Variants in SLC25A12 observed in about 807,000 individuals in gnomAD.
The protein encoded by SLC25A12 is electrogenic aspartate/glutamate antiporter SLC25A12, mitochondrial.
A neutral mutation model predicts 83.3 loss-of-function variants in SLC25A12; 32 were observed. The observed-to-expected ratio is 0.38, with a 90% CI of 0.29 to 0.52. The LOEUF (loss-of-function observed/expected upper bound fraction) is 0.52, where lower values mean the gene tolerates loss of function less well. SLC25A12 is among the 20% of genes least tolerant of loss of function. The pLI is 0.84. For missense variants in SLC25A12, 611 were observed against 835.6 expected (o/e 0.73, Z 3.31); for synonymous variants, 267 against 291.1 (o/e 0.92, Z 0.84).
At chr2:171,835,591 G>A (rs1337431666) in intron 6 of SLC25A12, among the ~76,000 whole-genome samples, 2 of 152,086 alleles carry the variant, frequency 1.3e-5, no homozygotes, top group Admixed American at 1.3e-4. Context: ...TCACCACTTG[G>A]ACATAAACTC....
intron 8 of SLC25A12, among the ~76,000 whole-genome samples, chr2:171,829,775 C>G (rs1684391016): frequency 6.6e-6 from 1 of 152,194 alleles, no homozygotes. Context: ...CAACTTGTTG[C>G]ACCCTGTTGG....
chr2:171,789,571 A>G (rs1683379583), intron 15 of SLC25A12, among the ~76,000 whole-genome samples: 1 of 152,196 alleles, frequency 6.6e-6, no homozygotes, highest in Non-Finnish European at 1.5e-5. Context: ...TTGGAAAAGG[A>G]GGAGAGAACC....
At chr2:171,851,492 T>TA (rs367909612) in intron 4 of SLC25A12, among the ~76,000 whole-genome samples, 151 of 126,870 alleles carry the variant, frequency 1.2e-3, no homozygotes, top group Admixed American at 2.3e-3. Context: ...CCTGGCCCCT[T>TA]AAAAAAAAAA....
At chr2:171,826,400 G>A (rs1430293051) in intron 9 of SLC25A12, among the ~76,000 whole-genome samples, 6 of 152,152 alleles carry the variant, frequency 3.9e-5, no homozygotes, top group Non-Finnish European at 7.3e-5. Flanking sequence ...CTGAGGTCAC[G>A]AGTTCAAGAC....
At chr2:171,883,157 C>G (rs1449878423) in intron 2 of SLC25A12, among the ~76,000 whole-genome samples, 1 of 152,166 alleles carries the variant, frequency 6.6e-6, no homozygotes, top group African/African-American at 2.4e-5. Context: ...CTGGAGAAGA[C>G]AAGGGACTCA....
intron 2 of SLC25A12, among the ~76,000 whole-genome samples, chr2:171,874,133 G>A (rs1189912947): frequency 2.0e-5 from 3 of 152,128 alleles, no homozygotes; most frequent in South Asian, 2.1e-4. Flanking sequence ...GGCTGAGGCA[G>A]GAGAGTCGCT....
intron 3 of SLC25A12, among the ~76,000 whole-genome samples, chr2:171,861,127 AAATAAT>A (rs531064562): frequency 6.6e-6 from 1 of 150,680 alleles, no homozygotes; most frequent in Non-Finnish European, 1.5e-5. Flanking sequence ...ATAAATAATA[AAATAAT>A]AATAATAATA....
intron 4 of SLC25A12, among the ~76,000 whole-genome samples, chr2:171,849,696 C>T (rs1432812360): frequency 6.6e-6 from 1 of 151,802 alleles, no homozygotes; most frequent in South Asian, 2.1e-4. Context: ...GCTGGGACTA[C>T]AGGCATCCGC....
Position 171,887,936 on chromosome 2 carries a change from T to C in SLC25A12, c.66+5269A>G, listed in dbSNP as rs200836421. ...TAGCTCATCAAAACTTGAGAAGCAA[T>C]GAACACCACAGGAAAAATGAACCTA... On this transcript the variant is annotated intron_variant, in intron 2 of 17. Transcript: ENST00000422440. Among the ~76,000 whole-genome samples the C allele has an allele frequency of 1.4e-4, 21 of 152,250 alleles. No homozygotes were observed. The East Asian group carries it at 4.0e-3, about 29-fold the overall frequency.
At chr2:171,806,000 TG>T (rs199997491) in intron 13 of SLC25A12, among the ~76,000 whole-genome samples, 3,612 of 151,954 alleles carry the variant, frequency 0.024, 149 homozygotes, top group African/African-American at 0.083. Context: ...TCCCAGCTAC[TG>T]GGGAGGCTGA....
At chr2:171,864,313 C>A (rs924792190) in intron 3 of SLC25A12, among the ~76,000 whole-genome samples, 1 of 152,210 alleles carries the variant, frequency 6.6e-6, no homozygotes, top group South Asian at 2.1e-4. Flanking sequence ...TTATCTAATT[C>A]ATGCAACTAT....
chr2:171,858,965 A>C (rs1390057824), intron 3 of SLC25A12, among the ~76,000 whole-genome samples: 1 of 152,230 alleles, frequency 6.6e-6, no homozygotes, highest in African/African-American at 2.4e-5. Context: ...TCATATATTC[A>C]TGCAACTTTG....
intron 3 of SLC25A12, among the ~76,000 whole-genome samples, chr2:171,867,499 G>A (rs915520736): frequency 4.0e-5 from 6 of 150,648 alleles, no homozygotes; most frequent in South Asian, 2.1e-4. Context: ...CAGGTGTGGC[G>A]GCGTGCGCCT....
At chr2:171,796,621 G>A (rs888422522) in intron 13 of SLC25A12, among the ~76,000 whole-genome samples, 5 of 152,020 alleles carry the variant, frequency 3.3e-5, no homozygotes, top group Admixed American at 2.6e-4. Context: ...CTGGGCAATG[G>A]AGCAAGACCC....
Position 171,815,140 on chromosome 2 carries a change from A to T in SLC25A12, c.993T>A (p.Thr331=). The T allele has an allele frequency of 6.2e-7, 1 of 1,613,760 alleles. No homozygotes were observed. Among genetic ancestry groups the T allele is most frequent in the Non-Finnish European group, 8.5e-7 (1 of 1,179,742 alleles). Residue 331 remains threonine, a synonymous_variant, in exon 10 of 18, where the codon ACT becomes ACA. Coordinates refer to ENST00000422440, the MANE Select transcript of SLC25A12 (RefSeq NM_003705.5). ...ACTCACCTCCAGCAACTGAGCCCAG[A>T]GTGAATCTGTAAGCAGACTCGGCAA... ...LQIAESAYRF[T]LGSVAGAVGA... is the part of the protein sequence containing the mutation.
chr2:171,787,783 G>A lies in SLC25A12; in HGVS notation c.1744+6C>T, dbSNP rs1216274078. On this transcript the variant is annotated splice_donor_region_variant and intron_variant, in intron 16 of 17. Coordinates refer to ENST00000422440, the MANE Select transcript of SLC25A12 (RefSeq NM_003705.5). ...GCCATTCTGTATGGCTCCAGCCCCTGCCTACCTGCAGTCCCTTTCCAAAAT... is the reference window on the plus strand; with the variant it reads ...GCCATTCTGTATGGCTCCAGCCCCTACCTACCTGCAGTCCCTTTCCAAAAT... 7 of 1,614,168 alleles carry A rather than the reference G, an allele frequency of 4.3e-6. No individual in the cohort carries two copies. In the South Asian group the frequency reaches 7.7e-5, roughly 18 times the overall value.
chr2:171,853,909 A>G (rs1190611411), intron 4 of SLC25A12, among the ~76,000 whole-genome samples: 1 of 152,230 alleles, frequency 6.6e-6, no homozygotes, highest in Non-Finnish European at 1.5e-5. Flanking sequence ...GGAGACACAA[A>G]GAACCATGAT....
chr2:171,884,031 CT>C (rs1223680515), intron 2 of SLC25A12, among the ~76,000 whole-genome samples: 1 of 147,354 alleles, frequency 6.8e-6, no homozygotes, highest in Non-Finnish European at 1.5e-5. Flanking sequence ...TGGCTAATTT[CT>C]TTTCTTTTTT....
intron 13 of SLC25A12, among the ~76,000 whole-genome samples, chr2:171,796,284 G>T (rs1021767643): frequency 2.0e-5 from 3 of 152,170 alleles, no homozygotes; most frequent in Non-Finnish European, 2.9e-5. Context: ...CTTAATTGTT[G>T]TATGCTTTGA....
Sources: allele counts gnomAD v4.1 joint callset (sites outside exome capture counted in the v4.1 genomes callset), GRCh38; gene constraint gnomAD v4.1.1; transcripts MANE v1.5; gene names NCBI Gene and HGNC (gene_info 2026-07-23, HGNC 2026-07-21).